The following PCDHGA12 variants were observed in gnomAD, a reference collection of about 807,000 sequenced individuals.
The protein encoded by PCDHGA12 is protocadherin gamma-A12.
Under a neutral mutation model 61.1 loss-of-function variants are expected in PCDHGA12, and 43 were observed. The observed-to-expected ratio is 0.70, with a 90% CI of 0.55 to 0.91. The LOEUF (loss-of-function observed/expected upper bound fraction) is 0.91, where lower values mean the gene tolerates loss of function less well. Among genes scored for constraint, PCDHGA12 ranks in the 40% least tolerant of loss-of-function variants. The pLI is 0.00. For synonymous variants in PCDHGA12, 520 were observed against 542.9 expected (o/e 0.96, Z 0.59); for missense variants, 1,236 against 1,227.7 (o/e 1.01, Z -0.10).
chr5:141,498,093 G>T (rs975304630), intron 2 of PCDHGA12, among the ~76,000 whole-genome samples: 4 of 152,220 alleles, frequency 2.6e-5, no homozygotes, highest in Admixed American at 1.3e-4. Context: ...AATTGTATCT[G>T]GTGGTGTGGG....
intron 1 of PCDHGA12, among the ~76,000 whole-genome samples, chr5:141,471,768 T>A (rs1203999329): frequency 6.6e-6 from 1 of 152,174 alleles, no homozygotes; most frequent in Non-Finnish European, 1.5e-5. Context: ...GGTCAAAAGA[T>A]GAGTTTGACA....
At position 141,491,613 on chromosome 5, in the gene PCDHGA12, A is replaced by AC; in HGVS notation, c.2425-3190dup. On this transcript the variant is annotated intron_variant, in intron 1 of 3. Coordinates refer to ENST00000252085, the MANE Select transcript of PCDHGA12 (RefSeq NM_003735.3). The surrounding 1 kb of genome is among the most constrained non-coding windows in gnomAD (Gnocchi z 6.9). Reference sequence around the variant, plus strand: ...ACGGCAGTGACTTCACTTTTCTAAGACCCCTCAGCGTTCAGCAGCCCACAG... The same window carrying AC: ...ACGGCAGTGACTTCACTTTTCTAAGACCCCCTCAGCGTTCAGCAGCCCACAG... 6.2e-7 allele frequency: 1 copy of AC among 1,613,568 alleles called. No homozygotes were observed. Among genetic ancestry groups the AC allele is most frequent in the Non-Finnish European group, 8.5e-7 (1 of 1,179,968 alleles).
chr5:141,476,187 G>T lies in PCDHGA12; in HGVS notation c.2425-18620G>T. 1 of 1,613,782 alleles carries T rather than the reference G, an allele frequency of 6.2e-7. No individual in the cohort carries two copies. The highest frequency in any genetic ancestry group is 8.5e-7 in the Non-Finnish European group (1 of 1,180,028). ...GTAGTGGGAGTTTTGCTTCTGCTTG[G>T]TGCCTTGAACAAGGCTTCCACGGTC... On this transcript the variant is annotated intron_variant, in intron 1 of 3. Transcript: ENST00000252085. This position sits in a 1 kb window ranked among gnomAD's most constrained non-coding sequence, Gnocchi z 7.6.
chr5:141,472,065 G>C lies in PCDHGA12; in HGVS notation c.2425-22742G>C, dbSNP rs115025688. Among the ~76,000 whole-genome samples the C allele has an allele frequency of 1.7e-3, 265 of 152,218 alleles. 1 individual carries two copies. Among genetic ancestry groups the C allele is most frequent in the Middle Eastern group, 3.4e-3 (1 of 294 alleles). On this transcript the variant is annotated intron_variant, in intron 1 of 3. Coordinates refer to ENST00000252085, the MANE Select transcript of PCDHGA12 (RefSeq NM_003735.3). ...GATTTTAAAAATGATTGACATGTCT[G>C]TGGTTATATCAATGAGTACTATTAT...
chr5:141,486,452 G>T lies in PCDHGA12; in HGVS notation c.2425-8355G>T. 6.2e-7 allele frequency: 1 copy of T among 1,614,152 alleles called. No homozygotes were observed. Among genetic ancestry groups the T allele is most frequent in the Non-Finnish European group, 8.5e-7 (1 of 1,179,996 alleles). Reference sequence around the variant, plus strand: ...ATCTAGCTATGACATCATGGTCACTGCTTCTGATGCTGGGAACCCTCCTCT... The same window carrying T: ...ATCTAGCTATGACATCATGGTCACTTCTTCTGATGCTGGGAACCCTCCTCT... On this transcript the variant is annotated intron_variant, in intron 1 of 3. Coordinates refer to ENST00000252085, the MANE Select transcript of PCDHGA12 (RefSeq NM_003735.3). This position sits in a 1 kb window ranked among gnomAD's most constrained non-coding sequence, Gnocchi z 5.0.
At chr5:141,464,000 T>C (rs1045842127) in intron 1 of PCDHGA12, among the ~76,000 whole-genome samples, 15 of 152,158 alleles carry the variant, frequency 9.9e-5, no homozygotes, top group Non-Finnish European at 1.3e-4. Context: ...GTGCAGTGGC[T>C]CATGCTTGTA....
chr5:141,491,227 C>T lies in PCDHGA12; in HGVS notation c.2425-3580C>T. 6.2e-7 allele frequency: 1 copy of T among 1,614,216 alleles called. No homozygotes were observed. The highest frequency in any genetic ancestry group is 8.5e-7 in the Non-Finnish European group (1 of 1,180,018). On this transcript the variant is annotated intron_variant, in intron 1 of 3. Coordinates refer to ENST00000252085, the MANE Select transcript of PCDHGA12 (RefSeq NM_003735.3). The surrounding 1 kb of genome is among the most constrained non-coding windows in gnomAD (Gnocchi z 6.9). Reference sequence around the variant, plus strand: ...TTCACTCTCCTCCACAGCCACAGTGCTGCTGGTTCTGGAGGATGAGGACCC... The same window carrying T: ...TTCACTCTCCTCCACAGCCACAGTGTTGCTGGTTCTGGAGGATGAGGACCC...
chr5:141,491,571 C>G lies in PCDHGA12; in HGVS notation c.2425-3236C>G. The G allele has an allele frequency of 6.2e-7, 1 of 1,614,026 alleles. No individual in the cohort carries two copies. The highest frequency in any genetic ancestry group is 8.5e-7 in the Non-Finnish European group (1 of 1,180,042). ...CGCAGAGCCACTGCTACAGGACGTG[C>G]TTTTCACCGGCCTCGGACGGCAGTG... On this transcript the variant is annotated intron_variant, in intron 1 of 3. Transcript: ENST00000252085. This position sits in a 1 kb window ranked among gnomAD's most constrained non-coding sequence, Gnocchi z 6.9.
chr5:141,489,293 T>G lies in PCDHGA12; in HGVS notation c.2425-5514T>G. The G allele has an allele frequency of 6.3e-7, 1 of 1,579,940 alleles. No homozygotes were observed. Among genetic ancestry groups the G allele is most frequent in the Non-Finnish European group, 8.6e-7 (1 of 1,162,928 alleles). ...GCTGGGAAATGGCAAGTGCTGTGCA[T>G]GTTGTCCTTGTGCTGCTGGGGCTGG... On this transcript the variant is annotated intron_variant, in intron 1 of 3. Transcript: ENST00000252085. This position sits in a 1 kb window ranked among gnomAD's most constrained non-coding sequence, Gnocchi z 4.5.
rs543209695 is a variant in PCDHGA12 at position 141,431,563 on chromosome 5, C to T, written c.804C>T (p.Asp268=). 24 of 1,614,026 alleles carry T rather than the reference C, an allele frequency of 1.5e-5. No individual in the cohort carries two copies. Among genetic ancestry groups the T allele is most frequent in the Non-Finnish European group, 1.9e-5 (23 of 1,180,046 alleles). ...AGCTGCTTGTAGTCAACGCTACCGA[C>T]CCTGACGAAGGAGTCAATGCGGAAG... The part of the protein sequence containing the change: ...GTQLLVVNAT[D]PDEGVNAEVR... The change falls in exon 1 of 4, where the codon GAC becomes GAT. Residue 268 remains aspartate, a synonymous_variant. Transcript: ENST00000252085. The surrounding 1 kb of genome is among the most constrained non-coding windows in gnomAD (Gnocchi z 4.8).
At chr5:141,495,292 C>T (rs74321313) in intron 2 of PCDHGA12, among the ~76,000 whole-genome samples, 8,567 of 152,256 alleles carry the variant, frequency 0.056, 526 homozygotes, top group African/African-American at 0.16. Context: ...CCGCACTCAG[C>T]GCCTCCTCCA....
chr5:141,494,749 G>C (rs573811540), intron 1 of PCDHGA12, 58 bp from the exon 2 acceptor site: 3 of 1,612,818 alleles, frequency 1.9e-6, no homozygotes, highest in South Asian at 2.2e-5. Context: ...CTAGGGGCTC[G>C]GGTGACATTC....
In PCDHGA12 at chr5:141,476,499, TC is replaced by T; in HGVS notation, c.2425-18307del. 1 of 1,614,110 alleles carries T rather than the reference TC, an allele frequency of 6.2e-7. No individual in the cohort carries two copies. Among genetic ancestry groups the T allele is most frequent in the Non-Finnish European group, 8.5e-7 (1 of 1,180,020 alleles). ...AGCGTGGAAGTGGTGATCCAGGACATCAACGACAACAATCCTGCTTTCCCTA... is the reference window on the plus strand; with the variant it reads ...AGCGTGGAAGTGGTGATCCAGGACATAACGACAACAATCCTGCTTTCCCTA... On this transcript the variant is annotated intron_variant, in intron 1 of 3. Transcript: ENST00000252085. The surrounding 1 kb of genome is among the most constrained non-coding windows in gnomAD (Gnocchi z 7.6).
rs776990176 is a variant in PCDHGA12 at position 141,485,136 on chromosome 5, C to A, written c.2425-9671C>A. ...GTTTGGGGCGGGTCGGCTTCATCCG[C>A]GTCTCAGGAGCAAGTAGAGAATTAG... On this transcript the variant is annotated intron_variant, in intron 1 of 3. Transcript: ENST00000252085. The surrounding 1 kb of genome is among the most constrained non-coding windows in gnomAD (Gnocchi z 5.7). The A allele has an allele frequency of 4.0e-6, 6 of 1,502,706 alleles. No individual in the cohort carries two copies. The South Asian group carries it at 5.9e-5, about 15-fold the overall frequency. The allele number at this position is 1,502,706 out of a possible 1,614,324, so 93.1% of individuals were successfully genotyped here.
chr5:141,458,496 A>T (rs905073741), intron 1 of PCDHGA12, among the ~76,000 whole-genome samples: 1 of 151,694 alleles, frequency 6.6e-6, no homozygotes, highest in Non-Finnish European at 1.5e-5. Flanking sequence ...CTGCCTGTAC[A>T]TACTGTTTGA....
chr5:141,460,092 T>C (rs186695697), intron 1 of PCDHGA12, among the ~76,000 whole-genome samples: 37 of 152,056 alleles, frequency 2.4e-4, no homozygotes, highest in Admixed American at 9.8e-4. Context: ...ATAATAATTA[T>C]ACATGTAATT....
At position 141,486,061 on chromosome 5, in the gene PCDHGA12, C is replaced by T. The variant is rs1280895997; in HGVS notation, c.2425-8746C>T. 2 of 1,614,166 alleles carry T rather than the reference C, an allele frequency of 1.2e-6. No individual in the cohort carries two copies. Among genetic ancestry groups the T allele is most frequent in the South Asian group, 1.1e-5 (1 of 91,078 alleles). On this transcript the variant is annotated intron_variant, in intron 1 of 3. Coordinates refer to ENST00000252085, the MANE Select transcript of PCDHGA12 (RefSeq NM_003735.3). The surrounding 1 kb of genome is among the most constrained non-coding windows in gnomAD (Gnocchi z 5.0). ...GTGTAAGAAACCTCTTTAGCCTGCA[C>T]CCCACTACTGGAAAGCTTACTCTTT...
chr5:141,498,437 G>C (rs996627716), intron 2 of PCDHGA12, among the ~76,000 whole-genome samples: 1 of 152,170 alleles, frequency 6.6e-6, no homozygotes, highest in Non-Finnish European at 1.5e-5. Flanking sequence ...GGGATGAAGA[G>C]GAGAGGTTCC....
intron 1 of PCDHGA12, among the ~76,000 whole-genome samples, chr5:141,453,479 A>G (rs1345415084): frequency 1.3e-5 from 2 of 152,082 alleles, no homozygotes; most frequent in Non-Finnish European, 2.9e-5. Context: ...AGTCAAAACT[A>G]TTAAAAAAAG....
Sources: allele counts gnomAD v4.1 joint callset (sites outside exome capture counted in the v4.1 genomes callset), GRCh38; gene constraint gnomAD v4.1.1; non-coding constraint Gnocchi (gnomAD v3.1); transcripts MANE v1.5; gene names NCBI Gene and HGNC (gene_info 2026-07-23, HGNC 2026-07-21).